Variants in C1orf159 observed in about 807,000 individuals in gnomAD.
The protein encoded by C1orf159 is chromosome 1 open reading frame 159.
Under a neutral mutation model 25.6 loss-of-function variants are expected in C1orf159, and 19 were observed. The ratio of observed to expected loss-of-function variants is 0.74; its 90% CI spans 0.52 to 1.09. The LOEUF is 1.09. Among genes scored for constraint, C1orf159 ranks in the 50% least tolerant of loss-of-function variants. The pLI, the probability that C1orf159 is intolerant of heterozygous loss-of-function variation, is 0.00. For synonymous variants in C1orf159, 139 were observed against 124.7 expected (o/e 1.12, Z -0.77); for missense variants, 274 against 290.6 (o/e 0.94, Z 0.42).
intron 1 of C1orf159, among the ~76,000 whole-genome samples, chr1:1,107,439 G>A (rs11584516): frequency 0.038 from 5,848 of 152,230 alleles, 138 homozygotes; most frequent in Non-Finnish European, 0.055. Context: ...GTTTGTAAAC[G>A]CACCAATCAG....
rs751090201 is a variant in C1orf159 at position 1,087,117 on chromosome 1, G to T, written c.310+22C>A. 1 of 1,601,796 alleles carries T rather than the reference G, an allele frequency of 6.2e-7. No homozygotes were observed. The highest frequency in any genetic ancestry group is 8.5e-7 in the Non-Finnish European group (1 of 1,176,750). On this transcript the variant is annotated intron_variant, in intron 6 of 9. Coordinates refer to ENST00000421241, the MANE Select transcript of C1orf159 (RefSeq NM_017891.5). The surrounding 1 kb of genome is among the most constrained non-coding windows in gnomAD (Gnocchi z 8.3). ...AGCCCCCAGGACACCGGCAGAGGTG[G>T]CTGTGGCCTGCTGAGACTTACCAGG...
At chr1:1,109,557 C>T (rs772016077) in intron 1 of C1orf159, among the ~76,000 whole-genome samples, 3 of 152,168 alleles carry the variant, frequency 2.0e-5, no homozygotes, top group Non-Finnish European at 2.9e-5. Context: ...ATCTTGAACT[C>T]CTGGGCTCAA....
intron 1 of C1orf159, among the ~76,000 whole-genome samples, chr1:1,112,166 G>C (rs934865206): frequency 2.6e-5 from 4 of 152,182 alleles, no homozygotes; most frequent in Non-Finnish European, 4.4e-5. Flanking sequence ...GTTGCACCCA[G>C]CGCCAGGGAA....
chr1:1,107,748 C>G (rs1646193798), intron 1 of C1orf159, among the ~76,000 whole-genome samples: 1 of 152,182 alleles, frequency 6.6e-6, no homozygotes, highest in Non-Finnish European at 1.5e-5. Flanking sequence ...ACTCGGGTCC[C>G]CTTCCACACT....
chr1:1,104,485 C>T (rs1646143863), intron 1 of C1orf159, among the ~76,000 whole-genome samples: 1 of 152,212 alleles, frequency 6.6e-6, no homozygotes, highest in South Asian at 2.1e-4. Flanking sequence ...TATAGTTGTG[C>T]TATGGCAGGG....
At chr1:1,090,529 G>C (rs1426895231) in intron 3 of C1orf159, 101 bp from the exon 4 acceptor site, 2 of 1,227,908 alleles carry the variant, frequency 1.6e-6, no homozygotes, top group Non-Finnish European at 2.3e-6. Flanking sequence ...ACATCTCAAT[G>C]TCCGCAGCTC....
At chr1:1,111,497 T>C (rs967331175) in intron 1 of C1orf159, among the ~76,000 whole-genome samples, 5 of 152,150 alleles carry the variant, frequency 3.3e-5, no homozygotes, top group African/African-American at 1.2e-4. Flanking sequence ...ATCGCACCAC[T>C]GCACTCTACC....
rs536338183 is a variant in C1orf159 at position 1,089,980 on chromosome 1, G to A, written c.148+373C>T. Among the ~76,000 whole-genome samples the A allele has an allele frequency of 3.2e-4, 49 of 152,342 alleles. No individual in the cohort carries two copies. The Middle Eastern group carries it at 0.01, about 32-fold the overall frequency. ...CCAGGGGCCAGCAGCACCTCTGCCCGAGCACGGACAGGCAAAAATGTCTTG... is the reference window on the plus strand; with the variant it reads ...CCAGGGGCCAGCAGCACCTCTGCCCAAGCACGGACAGGCAAAAATGTCTTG... On this transcript the variant is annotated intron_variant, in intron 4 of 9. Coordinates refer to ENST00000421241, the MANE Select transcript of C1orf159 (RefSeq NM_017891.5). The surrounding 1 kb of genome is among the most constrained non-coding windows in gnomAD (Gnocchi z 7.5).
At chr1:1,102,686 T>C (rs1386199375) in intron 1 of C1orf159, among the ~76,000 whole-genome samples, 1 of 140,856 alleles carries the variant, frequency 7.1e-6, no homozygotes, top group Non-Finnish European at 1.5e-5. Context: ...TAGTCCCAGC[T>C]ACTCAGGAGG....
chr1:1,091,222 G>A, intron 3 of C1orf159: 1 of 618,818 alleles, frequency 1.6e-6, no homozygotes, highest in Non-Finnish European at 2.9e-6. Flanking sequence ...TTGCGGGCCA[G>A]GATGCCTCAC....
chr1:1,091,289 C>T (rs1262231980), intron 3 of C1orf159, 183 bp downstream of exon 3: 8 of 713,666 alleles, frequency 1.1e-5, no homozygotes, highest in South Asian at 7.0e-5. Context: ...CAGCAGGCAG[C>T]GGAGGGCTCC....
At chr1:1,112,294 C>T (rs954360353) in intron 1 of C1orf159, among the ~76,000 whole-genome samples, 4 of 152,206 alleles carry the variant, frequency 2.6e-5, no homozygotes. Flanking sequence ...AAAATGGCGG[C>T]GTGTAACCGT....
rs184379732 is a variant in C1orf159, at chr1:1,096,885, G to A, written c.-135-4782C>T. 1.7e-3 allele frequency among the ~76,000 whole-genome samples: 264 copies of A among 152,094 alleles called. 1 individual carries two copies. The highest frequency in any genetic ancestry group is 6.2e-3 in the African/African-American group (257 of 41,496). ...AACACAAGCAAGTGCTGCCACACCT[G>A]GCTAATTTTTTGATTTTTTGTAGAG... is the stretch of plus-strand genomic sequence containing the variant. On this transcript the variant is annotated intron_variant, in intron 1 of 9. Coordinates refer to ENST00000421241, the MANE Select transcript of C1orf159 (RefSeq NM_017891.5).
chr1:1,082,920 C>CG lies in C1orf159; in HGVS notation c.569dup (p.Glu192GlyfsTer86). 1 of 1,600,806 alleles carries CG rather than the reference C, an allele frequency of 6.2e-7. No homozygotes were observed. Among genetic ancestry groups the CG allele is most frequent in the Non-Finnish European group, 8.5e-7 (1 of 1,174,504 alleles). ...AGACATTGCTGATACGGGCCTCCCC[C>CG]GGGAAGGCAGCGGGATCCGTGGCCC... On this transcript the variant is annotated frameshift_variant, in exon 10 of 10. Transcript: ENST00000421241. LOFTEE classifies it high-confidence loss of function.
Position 1,082,822 on chromosome 1 carries a change from G to T in C1orf159, c.*71C>A. The T allele has an allele frequency of 7.3e-7, 1 of 1,370,568 alleles. No homozygotes were observed. Among genetic ancestry groups the T allele is most frequent in the South Asian group, 1.2e-5 (1 of 80,434 alleles). 84.9% of individuals were successfully genotyped at this position (1,370,568 alleles called of 1,614,324 possible). A position where few individuals can be genotyped will look rare whatever the true frequency, so the allele number is the denominator to read the frequency against. The stretch of plus-strand genomic sequence containing the variant: ...GCGCCGGGCGATGCCAACACTTTGT[G>T]CTGGTTCCCGCCAAGGGGTCGGCCT... On this transcript the variant is annotated 3_prime_UTR_variant, in exon 10 of 10. Transcript: ENST00000421241.
At chr1:1,114,377 CTA>C (rs1646305304) in intron 1 of C1orf159, among the ~76,000 whole-genome samples, 3 of 152,162 alleles carry the variant, frequency 2.0e-5, no homozygotes, top group Admixed American at 6.5e-5. Flanking sequence ...CGAGGTCTCC[CTA>C]TGTTGCCCAG....
rs903538476 is a variant in C1orf159, at chr1:1,089,134, G to T, written c.148+1219C>A. 6.6e-6 allele frequency among the ~76,000 whole-genome samples: 1 copy of T among 152,144 alleles called. No individual in the cohort carries two copies. Among genetic ancestry groups the T allele is most frequent in the Admixed American group, 6.5e-5 (1 of 15,284 alleles). On this transcript the variant is annotated intron_variant, in intron 4 of 9. Coordinates refer to ENST00000421241, the MANE Select transcript of C1orf159 (RefSeq NM_017891.5). This position sits in a 1 kb window ranked among gnomAD's most constrained non-coding sequence, Gnocchi z 7.5. ...CTTGGGGCCGCACGCAGGGGGAAGC[G>T]TATCCAACACCGCAGGCCCGGCCCC...
rs35082223 is a variant in C1orf159, at chr1:1,111,365, CAAA to C, written c.-136+4692_-136+4694del. Among the ~76,000 whole-genome samples, 224 of 109,072 alleles carry C rather than the reference CAAA, an allele frequency of 2.1e-3. 2 individuals carry two copies. Among genetic ancestry groups the C allele is most frequent in the African/African-American group, 6.2e-3 (188 of 30,444 alleles). 71.6% of individuals were successfully genotyped at this position (109,072 alleles called of 152,430 possible). ...CAACAGAGTGAGATCTCATCTCTACCAAAAAAAAAAAAAAAAAAAAATAGCTGG... is the reference window on the plus strand; with the variant it reads ...CAACAGAGTGAGATCTCATCTCTACCAAAAAAAAAAAAAAAAAATAGCTGG... On this transcript the variant is annotated intron_variant, in intron 1 of 9. Transcript: ENST00000421241.
intron 1 of C1orf159, among the ~76,000 whole-genome samples, chr1:1,095,091 T>C (rs1450691371): frequency 6.6e-6 from 1 of 152,268 alleles, no homozygotes; most frequent in African/African-American, 2.4e-5. Context: ...GTGTCTATTC[T>C]TCAGGGACAC....
Sources: allele counts gnomAD v4.1 joint callset (sites outside exome capture counted in the v4.1 genomes callset), GRCh38; gene constraint gnomAD v4.1.1; non-coding constraint Gnocchi (gnomAD v3.1); transcripts MANE v1.5; gene names NCBI Gene and HGNC (gene_info 2026-07-23, HGNC 2026-07-21).